The following CP variants were observed in gnomAD, a reference collection of about 807,000 sequenced individuals.
CP encodes caeruloplasmin.
In CP, 64 loss-of-function variants were observed where a neutral mutation model predicts 122.4. That is an observed-to-expected ratio of 0.52 (90% confidence interval 0.43 to 0.64). The LOEUF (loss-of-function observed/expected upper bound fraction) is 0.64, where lower values mean the gene tolerates loss of function less well. Ranked by LOEUF, CP falls within the 30% of genes least tolerant of loss-of-function variation. The pLI is 0.00. For missense variants in CP, 1,167 were observed against 1,284.4 expected, an observed-to-expected ratio of 0.91 and a Z score of 1.40; for synonymous variants, 440 against 436.4, an observed-to-expected ratio of 1.01 and a Z score of -0.10.
chr3:149,185,403 G>A lies in CP; in HGVS notation c.2121C>T (p.Gly707=), dbSNP rs771501394. 1.2e-5 allele frequency: 19 copies of A among 1,613,908 alleles called. No individual in the cohort carries two copies. The highest frequency in any genetic ancestry group is 8.8e-5 in the South Asian group (8 of 91,072). ...VECLTTDHYT[G]GMKQKYTVNQ... is the part of the protein sequence containing the mutation. ...TCACAGTATATTTTTGCTTCATGCC[G>A]CCTGTGTAATGATCAGTTGTAAGGC... The change falls in exon 12 of 19, where the codon GGC becomes GGT. Residue 707 remains glycine (G), a synonymous_variant. Coordinates refer to ENST00000264613, the MANE Select transcript of CP (RefSeq NM_000096.4).
intron 1 of CP, chr3:149,217,902 G>A (rs576310177): frequency 2.2e-6 from 1 of 449,744 alleles, no homozygotes; most frequent in East Asian, 8.1e-5. Flanking sequence ...TAGTTTTTTG[G>A]TCAGGATTTG....
chr3:149,193,969 A>G (rs1726719251), intron 9 of CP, among the ~76,000 whole-genome samples: 1 of 152,240 alleles, frequency 6.6e-6, no homozygotes, highest in Non-Finnish European at 1.5e-5. Context: ...CAAAATGAAG[A>G]TAATGAAATA....
Position 149,185,536 on chromosome 3 carries a change from T to C in CP, c.2078-90A>G. 4.1e-6 allele frequency: 5 copies of C among 1,214,232 alleles called. No individual in the cohort carries two copies. In the South Asian group the frequency reaches 6.4e-5, roughly 16 times the overall value. The allele number at this position is 1,214,232 out of a possible 1,614,324, so 75.2% of individuals were successfully genotyped here. On this transcript the variant is annotated intron_variant, in intron 11 of 18. Coordinates refer to ENST00000264613, the MANE Select transcript of CP (RefSeq NM_000096.4). ...CTCAGAATTAATGCTGAAGTCCTTA[T>C]CATGGCCTCAGGTGATCTAGCTTTC... is the stretch of plus-strand genomic sequence containing the variant.
chr3:149,202,938 A>G (rs370049455), intron 6 of CP, among the ~76,000 whole-genome samples: 1,400 of 90,026 alleles, frequency 0.016, 45 homozygotes, highest in African/African-American at 0.057. Flanking sequence ...GTGGAGTCTC[A>G]CTCTGTTGCC....
Position 149,199,733 on chromosome 3 carries a change from T to A in CP, c.1480A>T (p.Asn494Tyr), listed in dbSNP as rs1306280767. ...TCACTTCTGCTCTGGGGGTTGTAAT[T>A]TGGGGAATAGTATGTGCCCTCGTTG... Reference protein sequence around the residue: ...KNNEGTYYSPNYNPQSRSVPP... With the variant: ...KNNEGTYYSPYYNPQSRSVPP... The change falls in exon 8 of 19, where the codon AAT (asparagine) becomes TAT (tyrosine). Residue 494 changes from asparagine to tyrosine, a missense_variant. Asn to Tyr is a moderately radical substitution (Grantham distance 143, BLOSUM62 -2). Around this residue, in one of 2 missense-constraint regions of CP, gnomAD observed 642 missense variants for 627.3 expected, o/e 1.02. Transcript: ENST00000264613. 1.9e-6 allele frequency: 3 copies of A among 1,614,078 alleles called. No homozygotes were observed. Among genetic ancestry groups the A allele is most frequent in the Non-Finnish European group, 2.5e-6 (3 of 1,179,996 alleles).
Position 149,178,597 on chromosome 3 carries a change from ACAAT to A in CP, c.2692_2695del (p.Ile898PhefsTer7). 6.2e-7 allele frequency: 1 copy of A among 1,613,448 alleles called. No individual in the cohort carries two copies. The highest frequency in any genetic ancestry group is 8.5e-7 in the Non-Finnish European group (1 of 1,179,582). Reference sequence around the variant, plus strand: ...TACTTTCAAGTAAGGTCTTCGACAAACAATCAGGGGGCCAATTAATCCACTGTAG... The same window carrying A: ...TACTTTCAAGTAAGGTCTTCGACAAACAGGGGGCCAATTAATCCACTGTAG... On this transcript the variant is annotated frameshift_variant, in exon 16 of 19. Coordinates refer to ENST00000264613, the MANE Select transcript of CP (RefSeq NM_000096.4). LOFTEE classifies it high-confidence loss of function.
At chr3:149,209,718 A>T (rs1727980008) in intron 3 of CP, among the ~76,000 whole-genome samples, 1 of 152,176 alleles carries the variant, frequency 6.6e-6, no homozygotes, top group African/African-American at 2.4e-5. Context: ...ACAGGTAACG[A>T]TTGTTCAAGT....
chr3:149,210,680 C>G (rs1728048871), intron 2 of CP, among the ~76,000 whole-genome samples: 1 of 152,026 alleles, frequency 6.6e-6, no homozygotes, highest in Non-Finnish European at 1.5e-5. Context: ...AAAAGGCTAC[C>G]CTCTTCTAAA....
At chr3:149,213,455 G>A (rs987406312) in intron 1 of CP, among the ~76,000 whole-genome samples, 1 of 152,150 alleles carries the variant, frequency 6.6e-6, no homozygotes, top group African/African-American at 2.4e-5. Context: ...AGTAAATTTG[G>A]TTTGAATTAA....
intron 9 of CP, among the ~76,000 whole-genome samples, chr3:149,190,253 A>G (rs762686969): frequency 2.0e-5 from 3 of 152,184 alleles, no homozygotes; most frequent in Admixed American, 1.3e-4. Flanking sequence ...ATATAACCAC[A>G]TATATAGGGG....
intron 14 of CP, 26 bp downstream of exon 14, chr3:149,181,979 A>ACCACCCCCCC: frequency 1.9e-6 from 1 of 515,792 alleles, no homozygotes; most frequent in Non-Finnish European, 3.7e-6. Flanking sequence ...AAAATGCACC[A>ACCACCCCCCC]CCCCCACCCC....
In CP at chr3:149,176,389, A is replaced by C. The variant is rs200254897; in HGVS notation, c.3042T>G (p.Asp1014Glu). ...QYKHRGVYSS[D>E]VFDIFPGTYQ... ...ATGTTCCAGGGAAAATGTCAAAGAC[A>C]TCAGAACTATAAACTCCCCTGTGCT... The change falls in exon 18 of 19, where the codon GAT becomes GAG. Residue 1014 changes from aspartate to glutamate, a missense_variant. Asp to Glu is a conservative substitution (Grantham distance 45). Coordinates refer to ENST00000264613, the MANE Select transcript of CP (RefSeq NM_000096.4). The C allele has an allele frequency of 6.2e-7, 1 of 1,612,248 alleles. No individual in the cohort carries two copies. Among genetic ancestry groups the C allele is most frequent in the East Asian group, 2.2e-5 (1 of 44,874 alleles).
At position 149,198,522 on chromosome 3, in the gene CP, T is replaced by C; in HGVS notation, c.1558A>G (p.Thr520Ala). 2.5e-6 allele frequency: 4 copies of C among 1,614,166 alleles called. No individual in the cohort carries two copies. The highest frequency in any genetic ancestry group is 2.5e-6 in the Non-Finnish European group (3 of 1,180,012). Residue 520 changes from threonine (T) to alanine (A), a missense_variant, in exon 9 of 19, where the codon ACT becomes GCT. Physicochemically the swap from Thr to Ala is moderately conservative, Grantham distance 58. Transcript: ENST00000264613. ...APTETFTYEWTVPKEVGPTNA... is the reference protein window; with the variant it reads ...APTETFTYEWAVPKEVGPTNA... ...GTGGGTCCTACTTCTTTGGGGACAG[T>C]CCATTCATAGGTGAATGTTTCTGTG... is the stretch of plus-strand genomic sequence containing the variant.
chr3:149,202,113 A>C lies in CP; in HGVS notation c.1337T>G (p.Leu446Arg). ...RKERGPEEEH[L>R]GILGPVIWAE... ...CTGCAAGAACTCACCCAGGATGCCAAGATGCTCTTCTTCAGGGCCTCTCTC... is the reference window on the plus strand; with the variant it reads ...CTGCAAGAACTCACCCAGGATGCCACGATGCTCTTCTTCAGGGCCTCTCTC... Residue 446 changes from leucine (L) to arginine (R), a missense_variant, in exon 7 of 19, where the codon CTT (leucine) becomes CGT (arginine). By Grantham distance (102) the Leu-to-Arg change is moderately radical. Coordinates refer to ENST00000264613, the MANE Select transcript of CP (RefSeq NM_000096.4). The C allele has an allele frequency of 6.2e-7, 1 of 1,614,114 alleles. No individual in the cohort carries two copies. Among genetic ancestry groups the C allele is most frequent in the Non-Finnish European group, 8.5e-7 (1 of 1,179,990 alleles).
At chr3:149,178,135 A>G (rs996355797) in intron 16 of CP, among the ~76,000 whole-genome samples, 156 bp from the exon 17 acceptor site, 2 of 152,226 alleles carry the variant, frequency 1.3e-5, no homozygotes, top group African/African-American at 4.8e-5. Context: ...TTTAAAGTCA[A>G]TAATATCACA....
At chr3:149,172,355 C>CACACAT (rs1417486263), downstream of CP, 114 of 619,282 alleles carry the variant, frequency 1.8e-4, 1 homozygote, top group African/African-American at 2.0e-3. Flanking sequence ...CACACACACA[C>CACACAT]ATATATGATA....
rs1400746206 is a variant in CP at position 149,210,292 on chromosome 3, G to A, written c.482C>T (p.Ala161Val). The change falls in exon 3 of 19, where the codon GCC becomes GTC. Residue 161 changes from alanine (A) to valine (V), a missense_variant. Coordinates refer to ENST00000264613, the MANE Select transcript of CP (RefSeq NM_000096.4). ...PGEQYTYMLL[A>V]TEEQSPGEGD... ...TTCCCCAGGACTTTGTTCTTCAGTG[G>A]CAAGCAACATGTATGTATACTGCTC... 2 of 1,613,930 alleles carry A rather than the reference G, an allele frequency of 1.2e-6. No homozygotes were observed. Among genetic ancestry groups the A allele is most frequent in the South Asian group, 2.2e-5 (2 of 91,086 alleles).
chr3:149,209,391 T>G lies in CP; in HGVS notation c.608-7A>C. 6 of 1,611,976 alleles carry G rather than the reference T, an allele frequency of 3.7e-6. No homozygotes were observed. The highest frequency in any genetic ancestry group is 5.1e-6 in the Non-Finnish European group (6 of 1,178,454). On this transcript the variant is annotated splice_region_variant and splice_polypyrimidine_tract_variant and intron_variant, in intron 3 of 18. Transcript: ENST00000264613. ...TTTTCTTTATCTAGAGAATCTGGAG[T>G]TAAAGTTACTATTTTAGCAAGACTA...
intron 1 of CP, chr3:149,217,865 C>G (rs1181758718): frequency 6.8e-6 from 3 of 443,784 alleles, no homozygotes; most frequent in African/African-American, 4.2e-5. Context: ...ATTATGATTA[C>G]CGTAAGGTGG....
Sources: allele counts gnomAD v4.1 joint callset (sites outside exome capture counted in the v4.1 genomes callset), GRCh38; gene constraint gnomAD v4.1.1; regional missense constraint gnomAD v4.1.1; transcripts MANE v1.5; gene names NCBI Gene and HGNC (gene_info 2026-07-23, HGNC 2026-07-21).